CSNK1A1: variants seen among roughly 807,000 people sequenced by gnomAD.
CSNK1A1 encodes casein kinase 1 alpha 1.
Under a neutral mutation model 46.1 loss-of-function variants are expected in CSNK1A1, and 7 were observed. The observed-to-expected ratio is 0.15, with a 90% CI of 0.09 to 0.29. CSNK1A1 has a LOEUF of 0.29. CSNK1A1 is among the 10% of genes least tolerant of loss of function. The pLI, the probability that CSNK1A1 is intolerant of heterozygous loss-of-function variation, is 1.00. For missense variants in CSNK1A1, 96 were observed against 417.1 expected (o/e 0.23, Z 6.71); for synonymous variants, 137 against 141.5 (o/e 0.97, Z 0.23).
At chr5:149,536,045 C>A (rs939784453) in intron 2 of CSNK1A1, among the ~76,000 whole-genome samples, 1 of 152,064 alleles carries the variant, frequency 6.6e-6, no homozygotes, top group Non-Finnish European at 1.5e-5. Flanking sequence ...TCTCTGCCTT[C>A]TGGGTTCAAG....
chr5:149,524,318 T>C (rs899439893), intron 3 of CSNK1A1, among the ~76,000 whole-genome samples: 1 of 152,186 alleles, frequency 6.6e-6, no homozygotes, highest in South Asian at 2.1e-4. Flanking sequence ...TCCAGCATTT[T>C]CCTGCCCTTA....
intron 2 of CSNK1A1, among the ~76,000 whole-genome samples, chr5:149,526,840 C>G (rs1389174861): frequency 6.6e-6 from 1 of 152,074 alleles, no homozygotes; most frequent in Admixed American, 6.5e-5. Flanking sequence ...GTCTCATAGT[C>G]AGGTATAATA....
intron 2 of CSNK1A1, among the ~76,000 whole-genome samples, chr5:149,534,596 C>T (rs1762004895): frequency 1.3e-5 from 2 of 151,138 alleles, no homozygotes; most frequent in African/African-American, 4.9e-5. Context: ...TCTCCTAGTT[C>T]CAGTTACCCC....
In CSNK1A1 at chr5:149,551,140, C is replaced by T. The variant is rs759898944; in HGVS notation, c.-176G>A. 1.8e-6 allele frequency: 1 copy of T among 565,320 alleles called. No individual in the cohort carries two copies. The highest frequency in any genetic ancestry group is 3.0e-6 in the Non-Finnish European group (1 of 329,138). 35.0% of individuals were successfully genotyped at this position (565,320 alleles called of 1,614,324 possible). ...CAGCAGAGGGGAACCTGATCACCGCCGCTCAGTCAGGTTTCTTTTTGCCAG... is the reference window on the plus strand; with the variant it reads ...CAGCAGAGGGGAACCTGATCACCGCTGCTCAGTCAGGTTTCTTTTTGCCAG... On this transcript the variant is annotated 5_prime_UTR_variant, in exon 1 of 10. Transcript: ENST00000377843.
chr5:149,508,638 C>G (rs1392552149), intron 7 of CSNK1A1, among the ~76,000 whole-genome samples: 1 of 152,188 alleles, frequency 6.6e-6, no homozygotes, highest in Non-Finnish European at 1.5e-5. Context: ...CTTCTGTATT[C>G]CTGTATTGTT....
chr5:149,501,069 T>C (rs1215928496), intron 9 of CSNK1A1: 1 of 985,320 alleles, frequency 1.0e-6, no homozygotes, highest in Non-Finnish European at 1.2e-6. Flanking sequence ...TCAACACCAC[T>C]GAGTCATAGC....
chr5:149,503,956 G>A, intron 9 of CSNK1A1: 1 of 985,386 alleles, frequency 1.0e-6, no homozygotes, highest in Non-Finnish European at 1.2e-6. Flanking sequence ...TATACTATAG[G>A]TTGTCAGGTG....
intron 9 of CSNK1A1, chr5:149,504,662 T>C (rs2113064989): frequency 1.0e-6 from 1 of 985,488 alleles, no homozygotes; most frequent in Non-Finnish European, 1.2e-6. Flanking sequence ...GCGGTTTCAA[T>C]GGCATTTGCC....
chr5:149,549,142 A>C (rs933397764), intron 2 of CSNK1A1, among the ~76,000 whole-genome samples: 1 of 152,214 alleles, frequency 6.6e-6, no homozygotes, highest in African/African-American at 2.4e-5. Flanking sequence ...TCTGATGTGA[A>C]GATTTACTGA....
chr5:149,537,153 A>G (rs913105369), intron 2 of CSNK1A1, among the ~76,000 whole-genome samples: 1 of 152,086 alleles, frequency 6.6e-6, no homozygotes, highest in Non-Finnish European at 1.5e-5. Context: ...AGGCAGGTGG[A>G]TCACTTGAGG....
chr5:149,501,039 A>G, intron 9 of CSNK1A1: 1 of 985,394 alleles, frequency 1.0e-6, no homozygotes, highest in Non-Finnish European at 1.2e-6. Flanking sequence ...TTCTTTCCCC[A>G]GCTGGTAGAT....
chr5:149,515,457 C>T (rs1233350940), intron 4 of CSNK1A1, among the ~76,000 whole-genome samples: 1 of 152,138 alleles, frequency 6.6e-6, no homozygotes, highest in Non-Finnish European at 1.5e-5. Flanking sequence ...AAGTAAACTA[C>T]AAATATGTAA....
At chr5:149,513,318 G>T in intron 4 of CSNK1A1, 109 bp from the exon 5 acceptor site, 1 of 1,011,756 alleles carries the variant, frequency 9.9e-7, no homozygotes, top group Non-Finnish European at 1.4e-6. Context: ...TCAAAATAAA[G>T]TATCCTAAGT....
intron 4 of CSNK1A1, among the ~76,000 whole-genome samples, chr5:149,514,711 A>G (rs1761345557): frequency 6.6e-6 from 1 of 152,218 alleles, no homozygotes; most frequent in East Asian, 1.9e-4. Context: ...TCCTAGGAGC[A>G]TGAGTAACAT....
chr5:149,513,124 A>G lies in CSNK1A1; in HGVS notation c.542T>C (p.Leu181Pro). The change falls in exon 5 of 10, where the codon CTC becomes CCC. Residue 181 changes from leucine (L) to proline (P), a missense_variant. Physicochemically the swap from Leu to Pro is moderately conservative, Grantham distance 98. Coordinates refer to ENST00000377843, the MANE Select transcript of CSNK1A1 (RefSeq NM_001892.6). ...GCTAGCATATCGGGCAGTGCCAGTG[A>G]GGTTTTTATCTTCTCTGTATGGTAT... is the stretch of plus-strand genomic sequence containing the variant. ...QHIPYREDKN[L>P]TGTARYASIN... 6.2e-7 allele frequency: 1 copy of G among 1,614,106 alleles called. No homozygotes were observed. The highest frequency in any genetic ancestry group is 8.5e-7 in the Non-Finnish European group (1 of 1,179,998).
At chr5:149,502,610 G>C in intron 9 of CSNK1A1, 1 of 891,180 alleles carries the variant, frequency 1.1e-6, no homozygotes, top group East Asian at 1.2e-4. Context: ...CTAGGGTCAA[G>C]CAATTCTCCC....
intron 3 of CSNK1A1, among the ~76,000 whole-genome samples, chr5:149,522,109 G>GT (rs1761589997): frequency 6.6e-6 from 1 of 151,834 alleles, no homozygotes; most frequent in Non-Finnish European, 1.5e-5. Flanking sequence ...GAAGTTCTGT[G>GT]TTTTTTTGTT....
At chr5:149,534,280 G>A (rs552024188) in intron 2 of CSNK1A1, among the ~76,000 whole-genome samples, 4 of 151,852 alleles carry the variant, frequency 2.6e-5, no homozygotes, top group Admixed American at 2.6e-4. Flanking sequence ...AAGAGAGATC[G>A]AGACCATCCT....
rs1360758642 is a variant in CSNK1A1, at chr5:149,550,359, G to A, written c.124-178C>T. The A allele has an allele frequency of 5.7e-6, 8 of 1,407,486 alleles. No homozygotes were observed. The South Asian group carries it at 9.5e-5, about 17-fold the overall frequency. 87.2% of individuals were successfully genotyped at this position (1,407,486 alleles called of 1,614,324 possible). On this transcript the variant is annotated intron_variant, in intron 1 of 9. Coordinates refer to ENST00000377843, the MANE Select transcript of CSNK1A1 (RefSeq NM_001892.6). This position sits in a 1 kb window ranked among gnomAD's most constrained non-coding sequence, Gnocchi z 4.3. ...CAACCAGCCTCAAAGGCCTCTTCAG[G>A]GGGTAGTGACGAAATCCGTACGTCC...
Sources: gnomAD v4.1 joint callset for allele counts (sites outside exome capture counted in the v4.1 genomes callset) on GRCh38, gnomAD v4.1.1 for gene constraint, Gnocchi (gnomAD v3.1) non-coding constraint, MANE v1.5 for transcripts, NCBI Gene and HGNC (gene_info 2026-07-23, HGNC 2026-07-21) for gene names.